ZDHHC13: variants seen among roughly 807,000 people sequenced by gnomAD.
The protein encoded by ZDHHC13 is zDHHC palmitoyltransferase 13.
Under a neutral mutation model 86.0 loss-of-function variants are expected in ZDHHC13, and 85 were observed. That is an observed-to-expected ratio of 0.99 (90% CI 0.83 to 1.18). The LOEUF (loss-of-function observed/expected upper bound fraction) is 1.18. Among genes scored for constraint, ZDHHC13 ranks in the 50% most tolerant of loss-of-function variants. The pLI is 0.00. For missense variants in ZDHHC13, 711 were observed against 730.2 expected, an observed-to-expected ratio of 0.97 and a Z score of 0.30; for synonymous variants, 263 against 246.4, an observed-to-expected ratio of 1.07 and a Z score of -0.63.
intron 4 of ZDHHC13, 75 bp downstream of exon 4, chr11:19,147,748 A>C: frequency 9.9e-7 from 1 of 1,007,656 alleles, no homozygotes; most frequent in Non-Finnish European, 1.4e-6. Flanking sequence ...TCAGTTATAG[A>C]CGATTTGAAA....
At chr11:19,121,541 A>G (rs1187329269) in intron 1 of ZDHHC13, among the ~76,000 whole-genome samples, 1 of 152,148 alleles carries the variant, frequency 6.6e-6, no homozygotes, top group Non-Finnish European at 1.5e-5. Flanking sequence ...CTGATTACCT[A>G]CTTCTGTGAT....
rs757461051 is a variant in ZDHHC13 at position 19,147,587 on chromosome 11, T to G, written c.297-9T>G. On this transcript the variant is annotated splice_polypyrimidine_tract_variant and intron_variant, in intron 3 of 16. Coordinates refer to ENST00000446113, the MANE Select transcript of ZDHHC13 (RefSeq NM_019028.3). ...AAATCTTACTTTCATTTGTGTCTGC[T>G]TTTAACAGGTTTTATATTTCAAAAG... is the stretch of plus-strand genomic sequence containing the variant. 29 of 1,583,650 alleles carry G rather than the reference T, an allele frequency of 1.8e-5. No homozygotes were observed. Among genetic ancestry groups the G allele is most frequent in the Non-Finnish European group, 2.1e-5 (24 of 1,163,596 alleles).
At chr11:19,170,233 AT>A in intron 14 of ZDHHC13, 177 bp from the exon 15 acceptor site, 4 of 1,404,156 alleles carry the variant, frequency 2.8e-6, no homozygotes, top group Non-Finnish European at 3.7e-6. Context: ...TTGAGCCACC[AT>A]TTTGTCATCT....
In ZDHHC13 at chr11:19,172,794, G is replaced by C; in HGVS notation, c.1704G>C (p.Thr568=). 2 of 1,605,332 alleles carry C rather than the reference G, an allele frequency of 1.2e-6. No homozygotes were observed. The highest frequency in any genetic ancestry group is 1.7e-6 in the Non-Finnish European group (2 of 1,175,934). ...LQKQSKHMKQ[T]LSLRKTPYNL... ...AGCAGAGCAAGCATATGAAACAGACGTTGTCCCTCAGGAAGACACCATACA... is the reference window on the plus strand; with the variant it reads ...AGCAGAGCAAGCATATGAAACAGACCTTGTCCCTCAGGAAGACACCATACA... The change falls in exon 16 of 17, where the codon ACG becomes ACC. Residue 568 remains threonine (T), a synonymous_variant. Coordinates refer to ENST00000446113, the MANE Select transcript of ZDHHC13 (RefSeq NM_019028.3).
intron 11 of ZDHHC13, among the ~76,000 whole-genome samples, chr11:19,163,901 A>G (rs1371854852): frequency 6.6e-6 from 1 of 152,190 alleles, no homozygotes. Context: ...TTTGTTACCT[A>G]AAGCCAGTGT....
chr11:19,124,725 A>G (rs1015752258), intron 1 of ZDHHC13, among the ~76,000 whole-genome samples: 2 of 150,518 alleles, frequency 1.3e-5, no homozygotes, highest in African/African-American at 2.4e-5. Context: ...AACTACCTAC[A>G]TGTTTATTTT....
At chr11:19,125,137 T>C (rs934494794) in intron 1 of ZDHHC13, among the ~76,000 whole-genome samples, 1 of 152,192 alleles carries the variant, frequency 6.6e-6, no homozygotes, top group Non-Finnish European at 1.5e-5. Flanking sequence ...TTTTTAAAAT[T>C]TAAAACTTCT....
intron 1 of ZDHHC13, among the ~76,000 whole-genome samples, chr11:19,137,450 T>A (rs1849175008): frequency 6.6e-6 from 1 of 151,746 alleles, no homozygotes; most frequent in South Asian, 2.1e-4. Context: ...AGACTTAGAC[T>A]CCCACACATT....
In ZDHHC13 at chr11:19,133,942, T is replaced by TATATATATATATATATATATATATATAC; in HGVS notation, c.28-9035_28-9034insTATATATATATATATATATATATATACA. On this transcript the variant is annotated intron_variant, in intron 1 of 16. Coordinates refer to ENST00000446113, the MANE Select transcript of ZDHHC13 (RefSeq NM_019028.3). ...GTCCATATATATATATATATATATA[T>TATATATATATATATATATATATATATAC]ACACGTATGTGTTTTATATACTTCA... Among the ~76,000 whole-genome samples the TATATATATATATATATATATATATATAC allele has an allele frequency of 2.8e-4, 27 of 96,060 alleles. 1 individual carries two copies. The highest frequency in any genetic ancestry group is 8.8e-4 in the African/African-American group (26 of 29,578). 63.0% of individuals were successfully genotyped at this position (96,060 alleles called of 152,430 possible).
chr11:19,170,441 A>G lies in ZDHHC13; in HGVS notation c.1505A>G (p.Lys502Arg). 6.5e-7 allele frequency: 1 copy of G among 1,538,722 alleles called. No individual in the cohort carries two copies. Among genetic ancestry groups the G allele is most frequent in the Non-Finnish European group, 8.7e-7 (1 of 1,143,962 alleles). ...TCCAGTCATTGTGCCACAACATTCAAAGAAGATGGATTATGGACTTACCTC... is the reference window on the plus strand; with the variant it reads ...TCCAGTCATTGTGCCACAACATTCAGAGAAGATGGATTATGGACTTACCTC... Reference protein sequence around the residue: ...YLSSHCATTFKEDGLWTYLNQ... With the variant: ...YLSSHCATTFREDGLWTYLNQ... Residue 502 changes from lysine (K) to arginine (R), a missense_variant, in exon 15 of 17, where the codon AAA becomes AGA. By Grantham distance (26) the Lys-to-Arg change is conservative. Transcript: ENST00000446113.
intron 14 of ZDHHC13, chr11:19,168,820 G>A: frequency 1.0e-6 from 1 of 985,384 alleles, no homozygotes; most frequent in Non-Finnish European, 1.2e-6. Flanking sequence ...TTCATCTTTT[G>A]TAAGGTCTGT....
rs370194291 is a variant in ZDHHC13 at position 19,163,310 on chromosome 11, A to G, written c.1116A>G (p.Ala372=). Residue 372 remains alanine, a synonymous_variant, in exon 11 of 17, where the codon GCA becomes GCG. Transcript: ENST00000446113. ...CCTTAACTTGGCTTTAACATTTAGC[A>G]GGAGCCCCTTTCTATTTCAGTTTCA... ...TWFILFFPDL[A]GAPFYFSFIF... 1.3e-5 allele frequency: 21 copies of G among 1,586,260 alleles called. No homozygotes were observed. In the African/African-American group the frequency reaches 2.7e-4, roughly 21 times the overall value.
At chr11:19,131,848 G>A (rs866464833) in intron 1 of ZDHHC13, among the ~76,000 whole-genome samples, 7 of 152,228 alleles carry the variant, frequency 4.6e-5, no homozygotes, top group Middle Eastern at 3.4e-3. Flanking sequence ...TGGTCAGGGT[G>A]GTCTTGAACT....
At chr11:19,128,783 T>C (rs1848929194) in intron 1 of ZDHHC13, among the ~76,000 whole-genome samples, 4 of 152,178 alleles carry the variant, frequency 2.6e-5, no homozygotes, top group Admixed American at 2.0e-4. Flanking sequence ...TTATTGATGG[T>C]AAAAAGCAAG....
At chr11:19,141,043 T>A (rs1006807911) in intron 1 of ZDHHC13, among the ~76,000 whole-genome samples, 1 of 151,130 alleles carries the variant, frequency 6.6e-6, no homozygotes, top group Non-Finnish European at 1.5e-5. Context: ...TGTGCACATG[T>A]ACCCTAAAAC....
At position 19,175,904 on chromosome 11, in the gene ZDHHC13, T is replaced by C; in HGVS notation, c.1813T>C (p.Ser605Pro). 1 of 1,613,658 alleles carries C rather than the reference T, an allele frequency of 6.2e-7. No individual in the cohort carries two copies. The highest frequency in any genetic ancestry group is 8.5e-7 in the Non-Finnish European group (1 of 1,179,764). ...LVKPCVVDWT[S>P]QYTMVFHPAR... ...GAAGCCCTGTGTGGTAGATTGGACA[T>C]CACAGTACACCATGGTCTTTCACCC... Residue 605 changes from serine (S) to proline (P), a missense_variant, in exon 17 of 17, where the codon TCA becomes CCA. Physicochemically the swap from Ser to Pro is moderately conservative, Grantham distance 74 (BLOSUM62 -1). Transcript: ENST00000446113.
chr11:19,132,123 A>G (rs922262125), intron 1 of ZDHHC13, among the ~76,000 whole-genome samples: 1 of 151,938 alleles, frequency 6.6e-6, no homozygotes, highest in Non-Finnish European at 1.5e-5. Flanking sequence ...GCTTCTTGGC[A>G]TGTTTAGTGA....
chr11:19,118,571 A>T (rs1848695942), intron 1 of ZDHHC13, among the ~76,000 whole-genome samples: 1 of 152,252 alleles, frequency 6.6e-6, no homozygotes, highest in African/African-American at 2.4e-5. Flanking sequence ...TCAAGTGCTT[A>T]AAGTTCACTC....
chr11:19,152,848 G>A (rs1170575578), intron 8 of ZDHHC13, among the ~76,000 whole-genome samples, 164 bp downstream of exon 8: 1 of 151,976 alleles, frequency 6.6e-6, no homozygotes, highest in Admixed American at 6.6e-5. Flanking sequence ...TGGAAATTTG[G>A]CACTTTCATT....
Sources: allele counts gnomAD v4.1 joint callset (sites outside exome capture counted in the v4.1 genomes callset), GRCh38; gene constraint gnomAD v4.1.1; transcripts MANE v1.5; gene names NCBI Gene and HGNC (gene_info 2026-07-23, HGNC 2026-07-21).